RDH12: variants seen among roughly 807,000 people sequenced by gnomAD.
RDH12 encodes the protein all-trans and 9-cis retinol dehydrogenase.
RDH12 carries 21 observed loss-of-function variants against 34.0 expected under a neutral mutation model. That is an observed-to-expected ratio of 0.62 (90% CI 0.44 to 0.89). RDH12 has a LOEUF of 0.89. Among genes scored for constraint, RDH12 ranks in the 40% least tolerant of loss-of-function variants. The pLI, the probability that RDH12 is intolerant of heterozygous loss-of-function variation, is 0.00. For missense variants in RDH12, 394 were observed against 398.6 expected, an observed-to-expected ratio of 0.99 and a Z score of 0.10; for synonymous variants, 198 against 169.9, an observed-to-expected ratio of 1.17 and a Z score of -1.29.
At chr14:67,716,832 C>T (rs1007234921) in intron 1 of RDH12, among the ~76,000 whole-genome samples, 3 of 150,926 alleles carry the variant, frequency 2.0e-5, no homozygotes, top group South Asian at 2.1e-4. Context: ...TGCAGTGAGC[C>T]GCTATCACAC....
In RDH12 at chr14:67,718,680, C is replaced by T. The variant is rs77665475; in HGVS notation, c.-274-2168C>T. Among the ~76,000 whole-genome samples the T allele has an allele frequency of 4.5e-3, 679 of 152,346 alleles. 35 individuals carry two copies. The East Asian group carries it at 0.1, about 23-fold the overall frequency. ...ACACTGGTTCCTCTGGTGTTTTCAT[C>T]TCTTTCTCTCTGTGACTTATGCCTA... On this transcript the variant is annotated intron_variant, in intron 1 of 8. Transcript: ENST00000551171.
At chr14:67,721,512 G>A (rs1013067563) in intron 2 of RDH12, among the ~76,000 whole-genome samples, 52 of 152,032 alleles carry the variant, frequency 3.4e-4, no homozygotes, top group Non-Finnish European at 5.9e-5. Context: ...CTCTTTACCA[G>A]CATTTTCTTG....
intron 1 of RDH12, among the ~76,000 whole-genome samples, chr14:67,708,493 T>A (rs1368401021): frequency 6.6e-6 from 1 of 152,114 alleles, no homozygotes; most frequent in African/African-American, 2.4e-5. Flanking sequence ...CAATTGTCTG[T>A]GGATGATGAA....
At position 67,702,095 on chromosome 14, in the gene RDH12, T is replaced by G. The variant is rs369513432; in HGVS notation, c.-275+160T>G. On this transcript the variant is annotated intron_variant, in intron 1 of 8. Transcript: ENST00000551171. ...GCCTCCTAAAGCATTAGGATAACAG[T>G]CATGAACCACTGTGCCCAGCTTTTT... 3.0e-4 allele frequency among the ~76,000 whole-genome samples: 46 copies of G among 152,146 alleles called. 1 individual carries two copies. Among genetic ancestry groups the G allele is most frequent in the African/African-American group, 1.1e-3 (45 of 41,520 alleles).
intron 5 of RDH12, among the ~76,000 whole-genome samples, 183 bp downstream of exon 5, chr14:67,725,437 C>G (rs1355860932): frequency 6.6e-6 from 1 of 152,190 alleles, no homozygotes; most frequent in Non-Finnish European, 1.5e-5. Flanking sequence ...TGGGCAGGAT[C>G]CTTATCATCT....
intron 1 of RDH12, among the ~76,000 whole-genome samples, chr14:67,705,378 T>C (rs1025280506): frequency 6.6e-6 from 1 of 152,262 alleles, no homozygotes; most frequent in Non-Finnish European, 1.5e-5. Context: ...TATTAATGTG[T>C]ACGTCAACAG....
chr14:67,726,497 T>C (rs1401093691), intron 6 of RDH12, among the ~76,000 whole-genome samples: 3 of 152,208 alleles, frequency 2.0e-5, no homozygotes, highest in African/African-American at 7.2e-5. Context: ...ATCTACATGA[T>C]GGCCAACCAA....
At chr14:67,719,200 A>G (rs2140132250) in intron 1 of RDH12, among the ~76,000 whole-genome samples, 1 of 152,384 alleles carries the variant, frequency 6.6e-6, no homozygotes, top group African/African-American at 2.4e-5. Context: ...TTTTATGCAC[A>G]AGACAATCAG....
At chr14:67,713,285 A>C (rs768630100) in intron 1 of RDH12, among the ~76,000 whole-genome samples, 15 of 151,948 alleles carry the variant, frequency 9.9e-5, no homozygotes, top group East Asian at 1.9e-4. Flanking sequence ...AACAAAAAAA[A>C]ACCTCATTTT....
intron 1 of RDH12, among the ~76,000 whole-genome samples, chr14:67,706,796 A>G (rs1441218448): frequency 3.9e-5 from 6 of 152,146 alleles, no homozygotes; most frequent in Non-Finnish European, 7.4e-5. Context: ...TGGAGAAAGC[A>G]TTTTAGAAGA....
At chr14:67,711,043 G>A (rs1662667698) in intron 1 of RDH12, among the ~76,000 whole-genome samples, 1 of 152,096 alleles carries the variant, frequency 6.6e-6, no homozygotes, top group Admixed American at 6.5e-5. Flanking sequence ...GTTCATTCCT[G>A]GGCATAGGCC....
chr14:67,727,490 T>TG (rs1369555573), intron 7 of RDH12: 4 of 352,784 alleles, frequency 1.1e-5, no homozygotes, highest in Non-Finnish European at 1.6e-5. Context: ...TTTTTGTTTT[T>TG]TTTTTTTTGA....
At chr14:67,714,843 T>C in intron 1 of RDH12, 1 of 152,212 alleles carries the variant, frequency 6.6e-6, no homozygotes, top group Non-Finnish European at 1.5e-5. Flanking sequence ...TGTGGTGAGG[T>C]GCTCAAGATT....
At chr14:67,709,179 A>AAC (rs1449606850) in intron 1 of RDH12, among the ~76,000 whole-genome samples, 4 of 152,230 alleles carry the variant, frequency 2.6e-5, no homozygotes, top group Non-Finnish European at 4.4e-5. Context: ...AAAGGTTTAA[A>AAC]ACACTTGATA....
At chr14:67,721,347 G>A (rs1446016861) in intron 2 of RDH12, among the ~76,000 whole-genome samples, 3 of 152,014 alleles carry the variant, frequency 2.0e-5, no homozygotes, top group African/African-American at 7.2e-5. Flanking sequence ...CTTGACCTCT[G>A]AGCTCAAGTG....
At position 67,733,985 on chromosome 14, in the gene RDH12, C is replaced by A; in HGVS notation, c.*137C>A. ...CCTGCCTGCTCTGATCCTCTTGACC[C>A]TTCTGGGAATGTTTGCACACCTGAC... On this transcript the variant is annotated 3_prime_UTR_variant, in exon 9 of 9. Coordinates refer to ENST00000551171, the MANE Select transcript of RDH12 (RefSeq NM_152443.3). The A allele has an allele frequency of 1.5e-6, 1 of 659,830 alleles. No individual in the cohort carries two copies. The highest frequency in any genetic ancestry group is 3.1e-5 in the East Asian group (1 of 32,328). 40.9% of individuals were successfully genotyped at this position (659,830 alleles called of 1,614,324 possible). A position where few individuals can be genotyped will look rare whatever the true frequency, so the allele number is the denominator to read the frequency against.
intron 1 of RDH12, among the ~76,000 whole-genome samples, chr14:67,720,355 T>C (rs1375238211): frequency 6.6e-6 from 1 of 152,234 alleles, no homozygotes; most frequent in Non-Finnish European, 1.5e-5. Flanking sequence ...TTGTGTATGA[T>C]GGTTTTTGTC....
At chr14:67,731,699 T>TTTACTATATGA (rs1162458806) in intron 8 of RDH12, among the ~76,000 whole-genome samples, 3 of 152,166 alleles carry the variant, frequency 2.0e-5, no homozygotes, top group African/African-American at 7.2e-5. Context: ...CTATATGATT[T>TTTACTATATGA]TTTATACATA....
At chr14:67,727,824 G>T in intron 7 of RDH12, 1 of 156,030 alleles carries the variant, frequency 6.4e-6, no homozygotes, top group Non-Finnish European at 1.4e-5. Flanking sequence ...TGGCAGGTGA[G>T]GGCATCAGAA....
Sources: gnomAD v4.1 joint callset for allele counts (sites outside exome capture counted in the v4.1 genomes callset) on GRCh38, gnomAD v4.1.1 for gene constraint, MANE v1.5 for transcripts, NCBI Gene and HGNC (gene_info 2026-07-23, HGNC 2026-07-21) for gene names.